TMC1: variants seen among roughly 807,000 people sequenced by gnomAD.
TMC1 encodes the protein transmembrane channel like 1, also known as transmembrane channel-like protein 1.
Under a neutral mutation model 105.8 loss-of-function variants are expected in TMC1, and 84 were observed. That is an observed-to-expected ratio of 0.79 (90% CI 0.67 to 0.95). TMC1 has a LOEUF of 0.95. Ranked by LOEUF, TMC1 falls within the 40% of genes least tolerant of loss-of-function variation. The pLI, the probability that TMC1 is intolerant of heterozygous loss-of-function variation, is 0.00. For missense variants in TMC1, 817 were observed against 914.1 expected (o/e 0.89, Z 1.37); for synonymous variants, 315 against 311.5 (o/e 1.01, Z -0.12).
chr9:72,813,385 T>C (rs1302561538), intron 18 of TMC1, among the ~76,000 whole-genome samples: 2 of 152,186 alleles, frequency 1.3e-5, no homozygotes, highest in African/African-American at 4.8e-5. Flanking sequence ...AGTGAGAGCT[T>C]CTGTGTTTAT....
At chr9:72,700,677 T>C (rs1332645007) in intron 8 of TMC1, 34 bp downstream of exon 8, 4 of 1,492,796 alleles carry the variant, frequency 2.7e-6, no homozygotes, top group East Asian at 2.5e-5. Flanking sequence ...AGAAACACTT[T>C]CCCTGATATT....
chr9:72,805,324 A>G lies in TMC1; in HGVS notation c.1567-58A>G, dbSNP rs529793272. On this transcript the variant is annotated intron_variant, in intron 17 of 23. Coordinates refer to ENST00000297784, the MANE Select transcript of TMC1 (RefSeq NM_138691.3). ...TAGAAATATGACAGATTTAATACCA[A>G]CACTAGGACCATTTGAAGACAGAAC... is the stretch of plus-strand genomic sequence containing the variant. 9.4e-6 allele frequency: 15 copies of G among 1,599,028 alleles called. No homozygotes were observed. In the East Asian group the frequency reaches 2.9e-4, roughly 31 times the overall value.
chr9:72,674,784 T>C (rs2132171636), intron 5 of TMC1, among the ~76,000 whole-genome samples: 1 of 152,268 alleles, frequency 6.6e-6, no homozygotes, highest in South Asian at 2.1e-4. Context: ...GTGGCAGAAT[T>C]CAACACCACA....
chr9:72,607,002 T>TATAGAGAGAGAG (rs372785242), intron 2 of TMC1, among the ~76,000 whole-genome samples: 53 of 134,972 alleles, frequency 3.9e-4, no homozygotes, highest in African/African-American at 1.2e-3. Context: ...TATATATATA[T>TATAGAGAGAGAG]AGAGAGAGAG....
intron 18 of TMC1, among the ~76,000 whole-genome samples, chr9:72,807,117 T>G (rs960274732): frequency 2.0e-5 from 3 of 152,090 alleles, no homozygotes; most frequent in Non-Finnish European, 4.4e-5. Context: ...GTCAGGCGTG[T>G]CGGCGCGAGC....
intron 13 of TMC1, among the ~76,000 whole-genome samples, chr9:72,784,621 T>C (rs1157374587): frequency 6.6e-6 from 1 of 152,174 alleles, no homozygotes; most frequent in East Asian, 1.9e-4. Context: ...ATCATTGTAC[T>C]ATAAAGACAC....
intron 15 of TMC1, among the ~76,000 whole-genome samples, chr9:72,790,565 T>C (rs1176665676): frequency 2.0e-5 from 3 of 152,188 alleles, no homozygotes; most frequent in African/African-American, 7.2e-5. Flanking sequence ...TTATTTATAT[T>C]GGTTATGTTT....
intron 10 of TMC1, among the ~76,000 whole-genome samples, chr9:72,745,144 A>G: frequency 6.6e-6 from 1 of 152,126 alleles, no homozygotes; most frequent in East Asian, 1.9e-4. Flanking sequence ...TATTTTATCA[A>G]TATTCACCAC....
chr9:72,666,861 G>T (rs1826051571), intron 5 of TMC1, among the ~76,000 whole-genome samples: 1 of 151,556 alleles, frequency 6.6e-6, no homozygotes, highest in African/African-American at 2.4e-5. Context: ...ACCAGCCTGG[G>T]CAGCATAGGG....
At chr9:72,770,746 T>C (rs779699529) in intron 12 of TMC1, among the ~76,000 whole-genome samples, 1 of 152,158 alleles carries the variant, frequency 6.6e-6, no homozygotes, top group Non-Finnish European at 1.5e-5. Flanking sequence ...TAATTCAGTC[T>C]GAATCTGAAG....
chr9:72,718,709 G>T (rs188492954), intron 8 of TMC1, among the ~76,000 whole-genome samples: 2 of 152,304 alleles, frequency 1.3e-5, no homozygotes, highest in African/African-American at 4.8e-5. Context: ...GCTTTCAAGA[G>T]TACGTCAGCT....
At chr9:72,607,002 T>TATATATAGAG (rs372785242) in intron 2 of TMC1, among the ~76,000 whole-genome samples, 21 of 134,972 alleles carry the variant, frequency 1.6e-4, no homozygotes, top group African/African-American at 5.6e-4. Context: ...TATATATATA[T>TATATATAGAG]AGAGAGAGAG....
At chr9:72,694,407 C>T in intron 6 of TMC1, 136 bp from the exon 7 acceptor site, 1 of 703,440 alleles carries the variant, frequency 1.4e-6, no homozygotes, top group Non-Finnish European at 2.5e-6. Flanking sequence ...TTCCATGATG[C>T]ATCCCATCAC....
chr9:72,529,073 A>C (rs1317028649), intron 1 of TMC1, among the ~76,000 whole-genome samples: 1 of 151,642 alleles, frequency 6.6e-6, no homozygotes, highest in Non-Finnish European at 1.5e-5. Flanking sequence ...GAGAATGTGC[A>C]CAGGTTATAC....
chr9:72,531,736 T>G (rs937472120), intron 1 of TMC1, among the ~76,000 whole-genome samples: 2 of 152,186 alleles, frequency 1.3e-5, no homozygotes, highest in African/African-American at 2.4e-5. Flanking sequence ...ATTTACTGAA[T>G]TCCTACTTTG....
intron 2 of TMC1, among the ~76,000 whole-genome samples, chr9:72,589,393 T>G (rs887479131): frequency 6.6e-6 from 1 of 152,230 alleles, no homozygotes; most frequent in African/African-American, 2.4e-5. Flanking sequence ...TATACATAAT[T>G]CATCTTGCCA....
intron 1 of TMC1, among the ~76,000 whole-genome samples, chr9:72,550,890 TGGA>T (rs1328431439): frequency 1.3e-5 from 2 of 152,112 alleles, no homozygotes; most frequent in Admixed American, 6.5e-5. Flanking sequence ...GAGATTATCC[TGGA>T]TTATCTGTGT....
intron 5 of TMC1, among the ~76,000 whole-genome samples, chr9:72,679,796 T>TCCC (rs1826258429): frequency 6.6e-6 from 1 of 152,116 alleles, no homozygotes; most frequent in African/African-American, 2.4e-5. Context: ...ACATAAGCTT[T>TCCC]CAATCTATAG....
chr9:72,716,028 G>T (rs1444058637), intron 8 of TMC1, among the ~76,000 whole-genome samples: 1 of 152,176 alleles, frequency 6.6e-6, no homozygotes, highest in Non-Finnish European at 1.5e-5. Flanking sequence ...TCTGCTGCAG[G>T]TCTGCTGGAG....
Sources: allele counts gnomAD v4.1 joint callset (sites outside exome capture counted in the v4.1 genomes callset), GRCh38; gene constraint gnomAD v4.1.1; transcripts MANE v1.5; gene names NCBI Gene and HGNC (gene_info 2026-07-23, HGNC 2026-07-21).